CSMD1: variants seen among roughly 807,000 people sequenced by gnomAD.
CSMD1 encodes CUB and Sushi multiple domains 1.
In CSMD1, 213 loss-of-function variants were observed where a neutral mutation model predicts 417.5. That is an observed-to-expected ratio of 0.51 (90% CI 0.46 to 0.57). CSMD1 has a LOEUF of 0.57. Ranked by LOEUF, CSMD1 falls within the 20% of genes least tolerant of loss-of-function variation. CSMD1 has a pLI of 0.00. For synonymous variants in CSMD1, 2,862 were observed against 1,736.8 expected (o/e 1.65, Z -16.11); for missense variants, 6,923 against 4,529.7 (o/e 1.53, Z -15.17).
chr8:3,883,338 C>G (rs1585136289), intron 5 of CSMD1, among the ~76,000 whole-genome samples: 1 of 152,064 alleles, frequency 6.6e-6, no homozygotes, highest in South Asian at 2.1e-4. Flanking sequence ...GTCCTGGACA[C>G]TAAAAAAGTC....
chr8:4,486,419 A>C (rs73180917), intron 2 of CSMD1, among the ~76,000 whole-genome samples: 22,043 of 150,826 alleles, frequency 0.15, 1,965 homozygotes, highest in South Asian at 0.25. Context: ...CATGATTTAT[A>C]TTTAATTATA....
intron 21 of CSMD1, 57 bp downstream of exon 21, chr8:3,359,095 G>T: frequency 6.4e-7 from 1 of 1,558,138 alleles, no homozygotes. Context: ...TAGGCTTCTT[G>T]CCTGGGCTAG....
intron 20 of CSMD1, 124 bp downstream of exon 20, chr8:3,366,908 C>T (rs17065962): frequency 0.061 from 47,349 of 778,928 alleles, 1,729 homozygotes; most frequent in East Asian, 0.16. Flanking sequence ...GGAATCAAGT[C>T]ACGCATGTAC....
chr8:3,260,552 A>C (rs1033576760), intron 26 of CSMD1, among the ~76,000 whole-genome samples: 1 of 151,598 alleles, frequency 6.6e-6, no homozygotes, highest in Admixed American at 6.6e-5. Flanking sequence ...AGAGTGCTTC[A>C]ATAACTACAG....
chr8:3,766,155 G>A (rs924548146), intron 5 of CSMD1, among the ~76,000 whole-genome samples: 1 of 152,194 alleles, frequency 6.6e-6, no homozygotes, highest in Non-Finnish European at 1.5e-5. Context: ...CTCTGTGGGT[G>A]TGTACTTTGG....
At chr8:4,931,407 G>A (rs929896140) in intron 1 of CSMD1, among the ~76,000 whole-genome samples, 2 of 152,062 alleles carry the variant, frequency 1.3e-5, no homozygotes, top group Non-Finnish European at 2.9e-5. Flanking sequence ...ACACTGACTC[G>A]GGTCTTTGCT....
chr8:3,954,276 G>A (rs1201373776), intron 5 of CSMD1, among the ~76,000 whole-genome samples: 1 of 152,214 alleles, frequency 6.6e-6, no homozygotes, highest in Non-Finnish European at 1.5e-5. Context: ...CCTTAGAACA[G>A]GAAAGGAAGG....
In CSMD1 at chr8:3,656,135, G is replaced by A. The variant is rs79521017; in HGVS notation, c.1010-39338C>T. ...TGGGGTGCGCAGTGAACTCATTGGGGCGAAAGCCTCTTTAGGAAGGGCTGT... is the reference window on the plus strand; with the variant it reads ...TGGGGTGCGCAGTGAACTCATTGGGACGAAAGCCTCTTTAGGAAGGGCTGT... On this transcript the variant is annotated intron_variant, in intron 7 of 69. Transcript: ENST00000635120. Among the ~76,000 whole-genome samples the A allele has an allele frequency of 9.1e-3, 1,386 of 152,304 alleles. 12 individuals carry two copies. Among genetic ancestry groups the A allele is most frequent in the Non-Finnish European group, 0.013 (877 of 68,038 alleles).
chr8:4,943,579 C>A (rs1386021285), intron 1 of CSMD1, among the ~76,000 whole-genome samples: 1 of 151,862 alleles, frequency 6.6e-6, no homozygotes, highest in African/African-American at 2.4e-5. Context: ...TTTATAAATA[C>A]CTTTAAACAA....
intron 52 of CSMD1, among the ~76,000 whole-genome samples, chr8:3,007,929 G>GA (rs573373204): frequency 1.7e-4 from 26 of 150,770 alleles, no homozygotes; most frequent in Non-Finnish European, 3.4e-4. Flanking sequence ...AATAATAAAA[G>GA]AAAAAAAACT....
chr8:3,009,710 G>T (rs865827217), intron 52 of CSMD1, among the ~76,000 whole-genome samples: 1 of 152,134 alleles, frequency 6.6e-6, no homozygotes, highest in African/African-American at 2.4e-5. Context: ...CCCATGCATA[G>T]ATATGCATAT....
chr8:4,298,560 C>G (rs1797809778), intron 3 of CSMD1, among the ~76,000 whole-genome samples: 1 of 151,900 alleles, frequency 6.6e-6, no homozygotes. Context: ...GTACTTGTAC[C>G]CAATGAATTT....
At chr8:3,708,138 T>G (rs1162241207) in intron 7 of CSMD1, among the ~76,000 whole-genome samples, 2 of 152,130 alleles carry the variant, frequency 1.3e-5, no homozygotes, top group Non-Finnish European at 2.9e-5. Flanking sequence ...ACTGACCGTG[T>G]CACATATACT....
intron 4 of CSMD1, among the ~76,000 whole-genome samples, chr8:4,027,252 TAAAAG>T (rs973449346): frequency 1.3e-5 from 2 of 152,154 alleles, no homozygotes; most frequent in African/African-American, 4.8e-5. Context: ...GTTTGGCTGA[TAAAAG>T]AAATGTTAGG....
chr8:3,778,700 C>T (rs966748744), intron 5 of CSMD1, among the ~76,000 whole-genome samples: 1 of 152,214 alleles, frequency 6.6e-6, no homozygotes, highest in Admixed American at 6.5e-5. Flanking sequence ...GGCCAAAGAT[C>T]ATCTTCCGAG....
At chr8:4,632,947 G>A (rs560489240) in intron 2 of CSMD1, among the ~76,000 whole-genome samples, 1 of 152,306 alleles carries the variant, frequency 6.6e-6, no homozygotes, top group South Asian at 2.1e-4. Flanking sequence ...CTTTTCAGGG[G>A]ACAAACGGGA....
intron 57 of CSMD1, among the ~76,000 whole-genome samples, chr8:2,971,540 C>T (rs938710986): frequency 6.6e-6 from 1 of 152,220 alleles, no homozygotes; most frequent in East Asian, 1.9e-4. Flanking sequence ...CTTTTCAGTG[C>T]CTCATATCGG....
chr8:3,348,125 G>T lies in CSMD1; in HGVS notation c.3341C>A (p.Thr1114Lys), dbSNP rs755165204. ...CGASVKGNEG[T>K]LLSPNFPSNY... ...GGATGGAAAATTTGGAGACAGTAATGTTCCTTCATTTCCTTTGACACTTGC... is the reference window on the plus strand; with the variant it reads ...GGATGGAAAATTTGGAGACAGTAATTTTCCTTCATTTCCTTTGACACTTGC... Residue 1114 changes from threonine to lysine, a missense_variant, in exon 22 of 70, where the codon ACA becomes AAA. Coordinates refer to ENST00000635120, the MANE Select transcript of CSMD1 (RefSeq NM_033225.6). 2.5e-6 allele frequency: 4 copies of T among 1,612,390 alleles called. No homozygotes were observed. The highest frequency in any genetic ancestry group is 3.4e-6 in the Non-Finnish European group (4 of 1,179,124).
At chr8:3,383,634 GAAC>G (rs1810781286) in intron 18 of CSMD1, among the ~76,000 whole-genome samples, 1 of 152,070 alleles carries the variant, frequency 6.6e-6, no homozygotes, top group African/African-American at 2.4e-5. Flanking sequence ...AGAAGGAGAA[GAAC>G]AACTCCAGAA....
Sources: gnomAD v4.1 joint callset for allele counts (sites outside exome capture counted in the v4.1 genomes callset) on GRCh38, gnomAD v4.1.1 for gene constraint, MANE v1.5 for transcripts, NCBI Gene and HGNC (gene_info 2026-07-23, HGNC 2026-07-21) for gene names.